The following PARG variants were observed in gnomAD, a reference collection of about 807,000 sequenced individuals.
PARG encodes the protein poly(ADP-ribose) glycohydrolase, also known as mitochondrial poly(ADP-ribose) glycohydrolase.
PARG carries 35 observed loss-of-function variants against 113.0 expected under a neutral mutation model. The ratio of observed to expected loss-of-function variants is 0.31; its 90% CI spans 0.24 to 0.41. The LOEUF (loss-of-function observed/expected upper bound fraction) is 0.41, where lower values mean the gene tolerates loss of function less well. Among genes scored for constraint, PARG ranks in the 10% least tolerant of loss-of-function variants. The pLI, the probability that PARG is intolerant of heterozygous loss-of-function variation, is 1.00. For missense variants in PARG, 797 were observed against 1,169.4 expected (o/e 0.68, Z 4.64); for synonymous variants, 330 against 409.9 (o/e 0.81, Z 2.36).
intron 12 of PARG, 58 bp downstream of exon 12, chr10:49,861,530 C>T: frequency 1.4e-6 from 1 of 706,402 alleles, no homozygotes; most frequent in Non-Finnish European, 2.6e-6. Flanking sequence ...CTTTTGCTGT[C>T]AGAAGCTTGA....
At chr10:49,879,041 G>C (rs1349682388) in intron 9 of PARG, among the ~76,000 whole-genome samples, 2 of 152,142 alleles carry the variant, frequency 1.3e-5, no homozygotes, top group Non-Finnish European at 2.9e-5. Context: ...AGTCACCTGG[G>C]AAAATGGCTG....
intron 1 of PARG, among the ~76,000 whole-genome samples, chr10:49,941,299 G>T (rs1315276270): frequency 6.6e-6 from 1 of 152,132 alleles, no homozygotes; most frequent in East Asian, 1.9e-4. Context: ...CCCTGTGAGT[G>T]ACTGCTCATC....
chr10:49,938,654 C>T lies in PARG; in HGVS notation c.217+2855G>A, dbSNP rs1441046439. ...GTCTCGCTATGTTGCTCAGGCTGGA[C>T]GGGAACTCCCGGGCTCAAGTGATCC... On this transcript the variant is annotated intron_variant, in intron 1 of 17. Transcript: ENST00000616448. Among the ~76,000 whole-genome samples, 35 of 151,692 alleles carry T rather than the reference C, an allele frequency of 2.3e-4. No individual in the cohort carries two copies. In the East Asian group the frequency reaches 2.7e-3, roughly 12 times the overall value.
At position 49,879,550 on chromosome 10, in the gene PARG, T is replaced by G. The variant is rs537586063; in HGVS notation, c.1988+123A>C. On this transcript the variant is annotated intron_variant, in intron 9 of 17. Transcript: ENST00000616448. ...TGGTGAAAATGTCACTTAAGTACTG[T>G]AAAAATTAAATAAGACAACTGCATA... 1.6e-5 allele frequency: 10 copies of G among 615,806 alleles called. No homozygotes were observed. In the South Asian group the frequency reaches 1.9e-4, roughly 12 times the overall value. The allele number at this position is 615,806 out of a possible 1,614,324, so 38.1% of individuals were successfully genotyped here. A position where few individuals can be genotyped will look rare whatever the true frequency, so the allele number is the denominator to read the frequency against.
At chr10:49,853,779 C>T (rs1588900461) in intron 13 of PARG, among the ~76,000 whole-genome samples, 1 of 152,156 alleles carries the variant, frequency 6.6e-6, no homozygotes, top group African/African-American at 2.4e-5. Flanking sequence ...AGACAATTTA[C>T]AATTTTTTAT....
At chr10:49,931,693 CA>C (rs1191457420) in intron 4 of PARG, among the ~76,000 whole-genome samples, 26,198 of 71,712 alleles carry the variant, frequency 0.37, 2,075 homozygotes, top group Non-Finnish European at 0.39. Flanking sequence ...TGGTCTCCAG[CA>C]AAAAAAAAAA....
At chr10:49,881,532 T>A (rs1847214771) in intron 8 of PARG, among the ~76,000 whole-genome samples, 1 of 152,136 alleles carries the variant, frequency 6.6e-6, no homozygotes, top group South Asian at 2.1e-4. Flanking sequence ...ACTAAGAGTT[T>A]CAGGTAACTG....
At chr10:49,932,362 C>T in intron 3 of PARG, 79 bp from the exon 4 acceptor site, 1 of 838,666 alleles carries the variant, frequency 1.2e-6, no homozygotes, top group Non-Finnish European at 2.1e-6. Context: ...CAAAACTTAC[C>T]CAGACGTTAT....
chr10:49,937,624 A>G (rs1482377118), intron 1 of PARG, among the ~76,000 whole-genome samples: 1 of 152,226 alleles, frequency 6.6e-6, no homozygotes, highest in Admixed American at 6.5e-5. Context: ...ACACACACGA[A>G]GCACGTACTC....
intron 13 of PARG, among the ~76,000 whole-genome samples, chr10:49,847,672 T>C (rs1274225325): frequency 6.9e-6 from 1 of 145,168 alleles, no homozygotes; most frequent in African/African-American, 2.5e-5. Flanking sequence ...AAGGTCATAA[T>C]TGGAATAACA....
In PARG at chr10:49,919,734, G is replaced by C. The variant is rs372250678; in HGVS notation, c.1662+2602C>G. On this transcript the variant is annotated intron_variant, in intron 6 of 17. Transcript: ENST00000616448. ...GCCTGTAACATTATACTAAAACCAA[G>C]TAAACTCTAGCAGAACTTGAGATTT... Among the ~76,000 whole-genome samples, 156 of 152,270 alleles carry C rather than the reference G, an allele frequency of 1.0e-3. 3 individuals carry two copies. In the South Asian group the frequency reaches 0.029, roughly 29 times the overall value.
chr10:49,915,509 C>T (rs374247867), intron 7 of PARG, among the ~76,000 whole-genome samples: 295 of 152,114 alleles, frequency 1.9e-3, no homozygotes, highest in East Asian at 0.018. Flanking sequence ...ACTTAGTCAT[C>T]TAATTTCTGG....
chr10:49,927,370 GA>G (rs1838242583), intron 4 of PARG, among the ~76,000 whole-genome samples: 13 of 6,616 alleles, frequency 2.0e-3, no homozygotes, highest in Non-Finnish European at 9.3e-3. Context: ...AGGAAAGAAG[GA>G]AAGAAAGAAA....
At chr10:49,853,034 ATTTTT>A (rs4012511) in intron 13 of PARG, among the ~76,000 whole-genome samples, 4 of 133,812 alleles carry the variant, frequency 3.0e-5, no homozygotes, top group South Asian at 2.4e-4. Flanking sequence ...TAAAAAAAAA[ATTTTT>A]TTTTTTTTTT....
intron 3 of PARG, among the ~76,000 whole-genome samples, chr10:49,932,511 C>T (rs1192643544): frequency 1.3e-5 from 2 of 152,210 alleles, no homozygotes; most frequent in African/African-American, 4.8e-5. Context: ...ACATGTAAAT[C>T]ACCTTCTCAA....
At chr10:49,830,094 C>G (rs1554830059) in intron 16 of PARG, among the ~76,000 whole-genome samples, 1 of 152,076 alleles carries the variant, frequency 6.6e-6, no homozygotes, top group Admixed American at 6.5e-5. Flanking sequence ...TCTTAGACTA[C>G]TATGCTTGAT....
intron 16 of PARG, among the ~76,000 whole-genome samples, chr10:49,827,369 C>T (rs1283449569): frequency 6.6e-6 from 1 of 152,216 alleles, no homozygotes; most frequent in Admixed American, 6.5e-5. Flanking sequence ...CAACAAGACA[C>T]ATTTTAATGA....
intron 10 of PARG, among the ~76,000 whole-genome samples, chr10:49,869,032 G>A (rs1554837410): frequency 6.6e-6 from 1 of 151,544 alleles, no homozygotes; most frequent in African/African-American, 2.4e-5. Context: ...ATAAAACTCA[G>A]TACAAAACAG....
Position 49,819,442 on chromosome 10 carries a change from A to G in PARG, c.2829T>C (p.Cys943=). 6.4e-7 allele frequency: 1 copy of G among 1,550,580 alleles called. No homozygotes were observed. Among genetic ancestry groups the G allele is most frequent in the South Asian group, 1.2e-5 (1 of 84,048 alleles). ...GCTTGATGTCTGGTCCAGGGGTGGA[A>G]CAGTTTCTGCATTCTTCATTGTAGT... ...LRYYNEECRN[C]STPGPDIKLY... is the part of the protein sequence containing the mutation. The change falls in exon 18 of 18, where the codon TGT becomes TGC. Residue 943 remains cysteine, a synonymous_variant. Transcript: ENST00000616448.
Sources: gnomAD v4.1 joint callset for allele counts (sites outside exome capture counted in the v4.1 genomes callset) on GRCh38, gnomAD v4.1.1 for gene constraint, MANE v1.5 for transcripts, NCBI Gene and HGNC (gene_info 2026-07-23, HGNC 2026-07-21) for gene names.